The following ELK3 variants were observed in gnomAD, a reference collection of about 807,000 sequenced individuals.
The protein encoded by ELK3 is ETS transcription factor ELK3.
Under a neutral mutation model 28.9 loss-of-function variants are expected in ELK3, and 10 were observed. The ratio of observed to expected loss-of-function variants is 0.35; its 90% confidence interval spans 0.21 to 0.59. ELK3 has a LOEUF of 0.59. Among genes scored for constraint, ELK3 ranks in the 20% least tolerant of loss-of-function variants. The probability of loss-of-function intolerance (pLI) is 0.82; values close to 1 mark genes in which losing one functional copy is unlikely to be tolerated. For missense variants in ELK3, 463 were observed against 517.3 expected, an observed-to-expected ratio of 0.90 and a Z score of 1.02; for synonymous variants, 272 against 243.5, an observed-to-expected ratio of 1.12 and a Z score of -1.09.
chr12:96,261,834 A>G (rs1385850881), intron 4 of ELK3, among the ~76,000 whole-genome samples: 1 of 152,154 alleles, frequency 6.6e-6, no homozygotes, highest in African/African-American at 2.4e-5. Context: ...CGTTATCAGG[A>G]TCTCTGGGAG....
rs1316758301 is a variant in ELK3, at chr12:96,224,095, C to T, written c.207+322C>T. On this transcript the variant is annotated intron_variant, in intron 2 of 4. Transcript: ENST00000228741. The stretch of plus-strand genomic sequence containing the variant: ...GTTGAATTGCTTGAATGACACAATG[C>T]GTGTTAAAATCCGGAAAGTCTGTTT... 8.2e-5 allele frequency: 23 copies of T among 281,896 alleles called. 1 individual carries two copies. In the South Asian group the frequency reaches 1.0e-3, roughly 12 times the overall value. 17.5% of individuals were successfully genotyped at this position (281,896 alleles called of 1,614,324 possible).
chr12:96,260,208 T>C (rs1035683606), intron 4 of ELK3, among the ~76,000 whole-genome samples: 1 of 152,070 alleles, frequency 6.6e-6, no homozygotes, highest in African/African-American at 2.4e-5. Flanking sequence ...CTTTGGGAGG[T>C]TGAGGGTGGG....
chr12:96,251,509 A>G (rs1951906361), intron 3 of ELK3, among the ~76,000 whole-genome samples: 1 of 152,240 alleles, frequency 6.6e-6, no homozygotes, highest in African/African-American at 2.4e-5. Flanking sequence ...CGGTGAAGGC[A>G]TGTCCAAAAC....
chr12:96,250,914 G>A (rs1012271909), intron 3 of ELK3, among the ~76,000 whole-genome samples: 1 of 152,190 alleles, frequency 6.6e-6, no homozygotes, highest in Non-Finnish European at 1.5e-5. Context: ...GGAAGAAGGG[G>A]AGAAGTAAGG....
At chr12:96,221,934 A>C (rs1354141176) in intron 1 of ELK3, among the ~76,000 whole-genome samples, 1 of 152,066 alleles carries the variant, frequency 6.6e-6, no homozygotes, top group Non-Finnish European at 1.5e-5. Context: ...AACCCTCCCC[A>C]AGGCAATTAT....
In ELK3 at chr12:96,247,037, G is replaced by A. The variant is rs745607623; in HGVS notation, c.305G>A (p.Arg102Gln). ...KMDPHAVEIS[R>Q]ESLLLQDSDC... Reference sequence around the variant, plus strand: ...GATCCTCACGCGGTGGAGATCAGCCGGGAGAGCCTTCTGCTGCAGGACAGC... The same window carrying A: ...GATCCTCACGCGGTGGAGATCAGCCAGGAGAGCCTTCTGCTGCAGGACAGC... Residue 102 changes from arginine to glutamine, a missense_variant, in exon 3 of 5, where the codon CGG becomes CAG. Coordinates refer to ENST00000228741, the MANE Select transcript of ELK3 (RefSeq NM_005230.4). This position sits in a 1 kb window ranked among gnomAD's most constrained non-coding sequence, Gnocchi z 5.5. 4.9e-5 allele frequency: 79 copies of A among 1,613,896 alleles called. No individual in the cohort carries two copies. The highest frequency in any genetic ancestry group is 6.4e-5 in the Non-Finnish European group (76 of 1,180,000).
intron 4 of ELK3, among the ~76,000 whole-genome samples, chr12:96,260,147 T>TA (rs1951982500): frequency 6.6e-6 from 1 of 152,194 alleles, no homozygotes; most frequent in Non-Finnish European, 1.5e-5. Flanking sequence ...GGCAAAACTT[T>TA]AAGAATTATT....
At position 96,249,477 on chromosome 12, in the gene ELK3, C is replaced by T. The variant is rs555995085; in HGVS notation, c.1002+1743C>T. On this transcript the variant is annotated intron_variant, in intron 3 of 4. Coordinates refer to ENST00000228741, the MANE Select transcript of ELK3 (RefSeq NM_005230.4). ...CATCTTCCAGTTAAGCAAGGCTGTC[C>T]AGTGACCAAGGGCTGCTGAGCAAAT... Among the ~76,000 whole-genome samples, 7 of 152,252 alleles carry T rather than the reference C, an allele frequency of 4.6e-5. No individual in the cohort carries two copies. The East Asian group carries it at 1.4e-3, about 29-fold the overall frequency.
At chr12:96,251,986 T>A (rs1178599078) in intron 3 of ELK3, among the ~76,000 whole-genome samples, 1 of 152,258 alleles carries the variant, frequency 6.6e-6, no homozygotes, top group Non-Finnish European at 1.5e-5. Context: ...TGGAAGAAGA[T>A]GCCATCTAGG....
intron 3 of ELK3, among the ~76,000 whole-genome samples, chr12:96,258,699 C>T (rs910248686): frequency 1.3e-5 from 2 of 152,276 alleles, no homozygotes; most frequent in South Asian, 2.1e-4. Context: ...AGCAGCTGGG[C>T]GGGTGTTTCT....
At chr12:96,236,568 A>G (rs1485367301) in intron 2 of ELK3, among the ~76,000 whole-genome samples, 1 of 152,142 alleles carries the variant, frequency 6.6e-6, no homozygotes, top group East Asian at 1.9e-4. Flanking sequence ...GAAGTCTGGA[A>G]TGGGTGTGAG....
intron 2 of ELK3, among the ~76,000 whole-genome samples, chr12:96,228,484 C>T (rs1481920168): frequency 1.4e-5 from 2 of 147,782 alleles, no homozygotes; most frequent in Non-Finnish European, 3.0e-5. Context: ...TGCTCAGGCA[C>T]ATGGAGATAG....
At chr12:96,234,266 G>A (rs1443428868) in intron 2 of ELK3, among the ~76,000 whole-genome samples, 1 of 152,190 alleles carries the variant, frequency 6.6e-6, no homozygotes, top group East Asian at 1.9e-4. Context: ...GCCCGGGAGC[G>A]CCGTCAACAC....
At chr12:96,252,213 G>GA (rs1951912871) in intron 3 of ELK3, among the ~76,000 whole-genome samples, 1 of 152,170 alleles carries the variant, frequency 6.6e-6, no homozygotes, top group East Asian at 1.9e-4. Flanking sequence ...CTACTACTCA[G>GA]AAAAAAGATT....
Position 96,225,170 on chromosome 12 carries a change from C to T in ELK3, c.207+1397C>T, listed in dbSNP as rs372278205. On this transcript the variant is annotated intron_variant, in intron 2 of 4. Transcript: ENST00000228741. ...TAAATTCTGCAGTGGGAACTGGGGC[C>T]GCTGAAGGAAAACACTCCCGTTGCC... Among the ~76,000 whole-genome samples the T allele has an allele frequency of 1.7e-3, 255 of 152,312 alleles. 2 individuals carry two copies. Among genetic ancestry groups the T allele is most frequent in the South Asian group, 0.014 (67 of 4,826 alleles).
chr12:96,229,527 T>C (rs1951726507), intron 2 of ELK3, among the ~76,000 whole-genome samples: 3 of 105,316 alleles, frequency 2.8e-5, no homozygotes, highest in Admixed American at 8.9e-5. Flanking sequence ...ATTTTCCTTT[T>C]TTTTTTTTTT....
chr12:96,261,266 C>A (rs1439651848), intron 4 of ELK3, among the ~76,000 whole-genome samples: 1 of 152,074 alleles, frequency 6.6e-6, no homozygotes, highest in African/African-American at 2.4e-5. Context: ...GTGACCATAT[C>A]CTTGGAGTAA....
chr12:96,211,488 TGTGTGTG>T (rs1951578736), intron 1 of ELK3, among the ~76,000 whole-genome samples: 1 of 3,794 alleles, frequency 2.6e-4, no homozygotes, highest in African/African-American at 1.5e-3. Context: ...ATTGTGTGTT[TGTGTGTG>T]TGTGTGTGTG....
rs1171099373 is a variant in ELK3, at chr12:96,267,702, A to C, written c.*522A>C. 1 of 152,760 alleles carries C rather than the reference A, an allele frequency of 6.5e-6. No individual in the cohort carries two copies. The highest frequency in any genetic ancestry group is 1.5e-5 in the Non-Finnish European group (1 of 68,094). 9.5% of individuals were successfully genotyped at this position (152,760 alleles called of 1,614,324 possible). ...TTTCACCAGTGGGCAATATGAAAGC[A>C]TATATCACGTTTTGTTTTACTTTCA... On this transcript the variant is annotated 3_prime_UTR_variant, in exon 5 of 5. Transcript: ENST00000228741.
Sources: allele counts gnomAD v4.1 joint callset (sites outside exome capture counted in the v4.1 genomes callset), GRCh38; gene constraint gnomAD v4.1.1; non-coding constraint Gnocchi (gnomAD v3.1); transcripts MANE v1.5; gene names NCBI Gene and HGNC (gene_info 2026-07-23, HGNC 2026-07-21).